Variants in SCN8A observed in about 807,000 individuals in gnomAD.
The protein encoded by SCN8A is sodium channel protein type 8 subunit alpha.
A neutral mutation model predicts 184.1 loss-of-function variants in SCN8A; 30 were observed. The observed-to-expected ratio is 0.16, with a 90% CI of 0.12 to 0.22. SCN8A has a LOEUF of 0.22. SCN8A is among the 10% of genes least tolerant of loss of function. The pLI is 1.00. For synonymous variants in SCN8A, 852 were observed against 907.0 expected (o/e 0.94, Z 1.09); for missense variants, 1,057 against 2,498.9 (o/e 0.42, Z 12.30).
At chr12:51,692,571 G>A (rs1408974920) in intron 6 of SCN8A, among the ~76,000 whole-genome samples, 3 of 152,180 alleles carry the variant, frequency 2.0e-5, no homozygotes, top group Non-Finnish European at 4.4e-5. Context: ...TAAAAGGGTC[G>A]GTTATAGAGG....
intron 12 of SCN8A, among the ~76,000 whole-genome samples, chr12:51,730,636 A>G (rs977066287): frequency 2.0e-5 from 3 of 152,218 alleles, no homozygotes; most frequent in African/African-American, 4.8e-5. Context: ...CAGGCATGCA[A>G]TGCTTAATGA....
chr12:51,629,123 T>C (rs563729148), intron 1 of SCN8A, among the ~76,000 whole-genome samples: 9 of 152,354 alleles, frequency 5.9e-5, no homozygotes, highest in Non-Finnish European at 1.2e-4. Context: ...AGGCAAATTC[T>C]AACAGTACTT....
chr12:51,605,836 T>C (rs1009171172), intron 1 of SCN8A, among the ~76,000 whole-genome samples: 2 of 152,054 alleles, frequency 1.3e-5, no homozygotes, highest in Non-Finnish European at 2.9e-5. Flanking sequence ...CCCATTTCCC[T>C]GATCATTAGT....
chr12:51,742,755 G>A (rs959398775), intron 12 of SCN8A, among the ~76,000 whole-genome samples: 1 of 151,954 alleles, frequency 6.6e-6, no homozygotes, highest in Non-Finnish European at 1.5e-5. Context: ...GGTTTGGCAA[G>A]TTTTCTGTTA....
At chr12:51,759,030 A>G (rs1180101522) in intron 14 of SCN8A, among the ~76,000 whole-genome samples, 1 of 151,774 alleles carries the variant, frequency 6.6e-6, no homozygotes, top group African/African-American at 2.4e-5. Flanking sequence ...GTGTATATGT[A>G]CAGCCACGTA....
At chr12:51,684,118 C>T (rs962271189) in intron 2 of SCN8A, 56 bp from the exon 3 acceptor site, 1 of 858,356 alleles carries the variant, frequency 1.2e-6, no homozygotes, top group African/African-American at 1.6e-5. Context: ...ATCATTGTTT[C>T]ATGTGGTGAC....
At chr12:51,699,215 CATTCCAGGCAGAGGGAACAGCAGGT>C (rs2138734724) in intron 6 of SCN8A, among the ~76,000 whole-genome samples, 1 of 152,268 alleles carries the variant, frequency 6.6e-6, no homozygotes, top group African/African-American at 2.4e-5. Flanking sequence ...TAGCAGGGAG[CATTCCAGGCAGAGGGAACAGCAGGT>C]ATGAAGGCCC....
At chr12:51,785,461 A>T (rs186731159) in intron 21 of SCN8A, among the ~76,000 whole-genome samples, 4 of 152,336 alleles carry the variant, frequency 2.6e-5, no homozygotes, top group Admixed American at 1.3e-4. Context: ...GCAGAAGAAT[A>T]TCATTGCATT....
At chr12:51,620,371 C>T (rs1305123653) in intron 1 of SCN8A, among the ~76,000 whole-genome samples, 12 of 152,060 alleles carry the variant, frequency 7.9e-5, no homozygotes, top group African/African-American at 2.9e-4. Context: ...CTGAAAAAGA[C>T]TATTTTTAAG....
chr12:51,798,663 CA>C (rs1938476330), intron 26 of SCN8A, among the ~76,000 whole-genome samples: 1 of 152,198 alleles, frequency 6.6e-6, no homozygotes, highest in Admixed American at 6.5e-5. Flanking sequence ...TGGGCAATGA[CA>C]GGGGTGCCTG....
At chr12:51,593,694 C>T (rs1948432) in intron 1 of SCN8A, among the ~76,000 whole-genome samples, 23,104 of 151,460 alleles carry the variant, frequency 0.15, 2,240 homozygotes, top group Non-Finnish European at 0.22. Flanking sequence ...TTTTTTTTTG[C>T]TTTTTATTAT....
At chr12:51,651,352 C>G (rs924942732) in intron 1 of SCN8A, among the ~76,000 whole-genome samples, 1 of 152,142 alleles carries the variant, frequency 6.6e-6, no homozygotes, top group African/African-American at 2.4e-5. Flanking sequence ...TACAGGCACC[C>G]GCTACCACGC....
intron 1 of SCN8A, among the ~76,000 whole-genome samples, chr12:51,620,373 A>G (rs551433678): frequency 4.6e-5 from 7 of 152,248 alleles, no homozygotes; most frequent in South Asian, 2.1e-4. Flanking sequence ...GAAAAAGACT[A>G]TTTTTAAGTG....
chr12:51,755,805 A>C (rs1942664879), intron 14 of SCN8A, among the ~76,000 whole-genome samples: 1 of 152,154 alleles, frequency 6.6e-6, no homozygotes, highest in South Asian at 2.1e-4. Context: ...GATTCTTTCT[A>C]GTTTTCTCCC....
chr12:51,670,958 TAACA>T (rs1469279090), intron 2 of SCN8A, among the ~76,000 whole-genome samples: 1 of 152,126 alleles, frequency 6.6e-6, no homozygotes, highest in Non-Finnish European at 1.5e-5. Context: ...GGGAAACACA[TAACA>T]AACAAATACG....
chr12:51,639,930 C>G (rs1034643721), intron 1 of SCN8A, among the ~76,000 whole-genome samples: 1 of 68,752 alleles, frequency 1.5e-5, no homozygotes, highest in African/African-American at 5.6e-5. Context: ...GATGGGGTCT[C>G]AGCTTGTTGC....
chr12:51,599,997 A>G (rs1939430405), intron 1 of SCN8A, among the ~76,000 whole-genome samples: 1 of 152,198 alleles, frequency 6.6e-6, no homozygotes, highest in African/African-American at 2.4e-5. Flanking sequence ...TATGTTCTGT[A>G]ATCCATGGTA....
chr12:51,776,487 T>C (rs144161626), intron 20 of SCN8A, among the ~76,000 whole-genome samples: 16 of 152,336 alleles, frequency 1.1e-4, no homozygotes, highest in Non-Finnish European at 1.5e-4. Flanking sequence ...CTGTGTAGAA[T>C]TGCTCCAGAA....
chr12:51,618,926 A>G (rs949047541), intron 1 of SCN8A, among the ~76,000 whole-genome samples: 5 of 152,184 alleles, frequency 3.3e-5, no homozygotes, highest in African/African-American at 7.2e-5. Flanking sequence ...AAAATATATA[A>G]TATCTGCACT....
Sources: allele counts gnomAD v4.1 joint callset (sites outside exome capture counted in the v4.1 genomes callset), GRCh38; gene constraint gnomAD v4.1.1; transcripts MANE v1.5; gene names NCBI Gene and HGNC (gene_info 2026-07-23, HGNC 2026-07-21).